The following TRIO variants were observed in gnomAD, a reference collection of about 807,000 sequenced individuals.
TRIO encodes trio Rho guanine nucleotide exchange factor.
Under a neutral mutation model 351.9 loss-of-function variants are expected in TRIO, and 58 were observed. The ratio of observed to expected loss-of-function variants is 0.16; its 90% confidence interval spans 0.13 to 0.21. The LOEUF is 0.21. TRIO is among the 10% of genes least tolerant of loss of function. TRIO has a pLI of 1.00. For synonymous variants in TRIO, 1,758 were observed against 1,595.7 expected (o/e 1.10, Z -2.42); for missense variants, 3,201 against 4,027.8 (o/e 0.79, Z 5.56).
intron 40 of TRIO, among the ~76,000 whole-genome samples, chr5:14,474,364 G>T (rs1579762123): frequency 2.6e-5 from 4 of 152,208 alleles, no homozygotes; most frequent in Admixed American, 2.6e-4. Flanking sequence ...GGAGCCAGCT[G>T]CCGGAGCTGC....
intron 55 of TRIO, among the ~76,000 whole-genome samples, chr5:14,505,712 C>A (rs1361956259): frequency 6.6e-6 from 1 of 152,202 alleles, no homozygotes; most frequent in Non-Finnish European, 1.5e-5. Flanking sequence ...GCCTTACCAG[C>A]TTCCTCGGGC....
intron 33 of TRIO, among the ~76,000 whole-genome samples, chr5:14,407,233 T>G (rs1017831580): frequency 2.0e-4 from 31 of 152,072 alleles, no homozygotes; most frequent in African/African-American, 7.5e-4. Flanking sequence ...GGCGTCTCAA[T>G]GAGTGGGCTT....
intron 11 of TRIO, among the ~76,000 whole-genome samples, chr5:14,337,493 T>G (rs986190309): frequency 6.6e-6 from 1 of 152,196 alleles, no homozygotes; most frequent in Non-Finnish European, 1.5e-5. Flanking sequence ...GATCGTAACT[T>G]ATTCAGATGC....
intron 34 of TRIO, among the ~76,000 whole-genome samples, chr5:14,449,968 G>C (rs550420119): frequency 6.6e-6 from 1 of 152,352 alleles, no homozygotes; most frequent in Admixed American, 6.5e-5. Flanking sequence ...AATGCTGATA[G>C]ATTAGCATTC....
intron 4 of TRIO, 172 bp downstream of exon 4, chr5:14,287,235 C>T: frequency 1.5e-6 from 1 of 671,004 alleles, no homozygotes; most frequent in Non-Finnish European, 2.4e-6. Flanking sequence ...GAGCTGCGTT[C>T]ATCATCCGAG....
chr5:14,398,556 G>A (rs540830726), intron 29 of TRIO, among the ~76,000 whole-genome samples: 61 of 152,286 alleles, frequency 4.0e-4, no homozygotes, highest in Non-Finnish European at 7.8e-4. Flanking sequence ...GATGCTGCAG[G>A]AGAGGGCTGA....
intron 34 of TRIO, among the ~76,000 whole-genome samples, chr5:14,423,888 A>G (rs1170809503): frequency 6.7e-6 from 1 of 149,758 alleles, no homozygotes; most frequent in Non-Finnish European, 1.5e-5. Flanking sequence ...TGCCATTCGA[A>G]GTTGAATCTG....
intron 34 of TRIO, among the ~76,000 whole-genome samples, chr5:14,457,373 TCCCCCCCCCCC>T (rs61513660): frequency 2.0e-5 from 1 of 48,926 alleles, no homozygotes; most frequent in Non-Finnish European, 3.9e-5. Context: ...AGCCCTGACC[TCCCCCCCCCCC>T]CCCGCCCCGC....
intron 9 of TRIO, among the ~76,000 whole-genome samples, chr5:14,324,586 A>G (rs1166699622): frequency 6.6e-6 from 1 of 152,256 alleles, no homozygotes; most frequent in African/African-American, 2.4e-5. Context: ...GAAATATTTT[A>G]AAGACAGTAT....
chr5:14,340,184 G>A (rs559006045), intron 11 of TRIO, among the ~76,000 whole-genome samples: 1 of 152,132 alleles, frequency 6.6e-6, no homozygotes, highest in African/African-American at 2.4e-5. Flanking sequence ...CACGAGGTCA[G>A]GAGATCGAGA....
chr5:14,441,464 G>GT (rs1752040030), intron 34 of TRIO: 1 of 153,782 alleles, frequency 6.5e-6, no homozygotes, highest in Non-Finnish European at 1.5e-5. Flanking sequence ...AAACAGAAAT[G>GT]TTTTGTGCTT....
At chr5:14,237,300 CT>C (rs1247183332) in intron 1 of TRIO, among the ~76,000 whole-genome samples, 2 of 152,124 alleles carry the variant, frequency 1.3e-5, no homozygotes, top group African/African-American at 4.8e-5. Flanking sequence ...ATATTTCAGA[CT>C]TTGGAGCATT....
intron 1 of TRIO, among the ~76,000 whole-genome samples, chr5:14,173,477 G>T (rs1372746885): frequency 1.3e-5 from 2 of 152,118 alleles, no homozygotes; most frequent in Non-Finnish European, 2.9e-5. Flanking sequence ...TTCCCAAAGT[G>T]CTGGGATTAC....
intron 1 of TRIO, among the ~76,000 whole-genome samples, chr5:14,145,279 C>T (rs1326752169): frequency 6.6e-6 from 1 of 152,200 alleles, no homozygotes; most frequent in African/African-American, 2.4e-5. Flanking sequence ...TGGTAGATAC[C>T]TGGTTTAGTA....
intron 1 of TRIO, among the ~76,000 whole-genome samples, chr5:14,154,098 C>T (rs1192635797): frequency 6.6e-6 from 1 of 152,142 alleles, no homozygotes; most frequent in Non-Finnish European, 1.5e-5. Context: ...GTTTTACAGG[C>T]TCCCCCGGCT....
At chr5:14,359,265 T>A in intron 12 of TRIO, 92 bp from the exon 13 acceptor site, 1 of 1,486,534 alleles carries the variant, frequency 6.7e-7, no homozygotes, top group Non-Finnish European at 9.2e-7. Flanking sequence ...TCCTGCCAGC[T>A]TTCTTCCCCT....
At chr5:14,418,283 G>A (rs1360299525) in intron 33 of TRIO, among the ~76,000 whole-genome samples, 1 of 152,154 alleles carries the variant, frequency 6.6e-6, no homozygotes, top group Non-Finnish European at 1.5e-5. Flanking sequence ...AGGCCTTTGT[G>A]TGTGAGGGTT....
At chr5:14,396,508 C>A (rs1259553184) in intron 28 of TRIO, among the ~76,000 whole-genome samples, 1 of 108,832 alleles carries the variant, frequency 9.2e-6, no homozygotes, top group African/African-American at 3.6e-5. Context: ...CTTGCTCTGT[C>A]CCCCAGGCTG....
At chr5:14,208,756 A>T (rs1270451259) in intron 1 of TRIO, among the ~76,000 whole-genome samples, 1 of 152,250 alleles carries the variant, frequency 6.6e-6, no homozygotes, top group Non-Finnish European at 1.5e-5. Flanking sequence ...GACCTTGTTC[A>T]AATAAGGCAA....
Sources: allele counts gnomAD v4.1 joint callset (sites outside exome capture counted in the v4.1 genomes callset), GRCh38; gene constraint gnomAD v4.1.1; transcripts MANE v1.5; gene names NCBI Gene and HGNC (gene_info 2026-07-23, HGNC 2026-07-21).